CENPK: variants seen among roughly 807,000 people sequenced by gnomAD.
CENPK encodes centromere protein K.
A neutral mutation model predicts 40.9 loss-of-function variants in CENPK; 46 were observed. That is an observed-to-expected ratio of 1.13 (90% CI 0.89 to 1.44). The LOEUF is 1.44. CENPK is among the 40% of genes most tolerant of loss of function. The pLI is 0.00. For missense variants in CENPK, 288 were observed against 303.5 expected (o/e 0.95, Z 0.38); for synonymous variants, 107 against 104.4 (o/e 1.02, Z -0.15).
the CENPK span, among the ~76,000 whole-genome samples, chr5:65,501,694 C>T: frequency 4.0e-3 from 602 of 152,246 alleles, 2 homozygotes; most frequent in African/African-American, 0.014. Flanking sequence ...TGAAAGTCCA[C>T]GTTCTCTGCT....
intron 2 of CENPK, among the ~76,000 whole-genome samples, chr5:65,557,614 G>C (rs560123484): frequency 2.0e-5 from 3 of 152,204 alleles, no homozygotes; most frequent in Non-Finnish European, 4.4e-5. Flanking sequence ...ACATACACAC[G>C]ATCATTTCTG....
the CENPK span, among the ~76,000 whole-genome samples, chr5:65,504,224 G>A: frequency 6.6e-6 from 1 of 151,826 alleles, no homozygotes; most frequent in Non-Finnish European, 1.5e-5. Context: ...GGGAGGCCAA[G>A]GTGGGGTAGA....
At chr5:65,529,406 G>C (rs1745321197) in intron 6 of CENPK, 1 of 444,656 alleles carries the variant, frequency 2.2e-6, no homozygotes, top group Non-Finnish European at 3.9e-6. Context: ...AATACAAGAG[G>C]TTTTGAGCAG....
chr5:65,510,435 A>T, the CENPK span, among the ~76,000 whole-genome samples: 1 of 152,192 alleles, frequency 6.6e-6, no homozygotes, highest in African/African-American at 2.4e-5. Flanking sequence ...ATTGACAGGC[A>T]GGGAGTTTAA....
At chr5:65,502,983 G>C in the CENPK span, among the ~76,000 whole-genome samples, 1 of 151,598 alleles carries the variant, frequency 6.6e-6, no homozygotes, top group Non-Finnish European at 1.5e-5. Context: ...ATTTTTAGTA[G>C]AGACAGGGTT....
chr5:65,529,063 T>C, intron 7 of CENPK, 46 bp from the exon 8 acceptor site: 1 of 1,545,130 alleles, frequency 6.5e-7, no homozygotes, highest in Non-Finnish European at 8.9e-7. Context: ...AATAAAACTT[T>C]AAATGTCACT....
In CENPK at chr5:65,520,249, T is replaced by C. The variant is rs546641614; in HGVS notation, c.651+1226A>G. ...TTGCTCCCACTCTGGCCATGTAAAGTGTCTGCTGCTGCTTCACCTTCTGCT... is the reference window on the plus strand; with the variant it reads ...TTGCTCCCACTCTGGCCATGTAAAGCGTCTGCTGCTGCTTCACCTTCTGCT... On this transcript the variant is annotated intron_variant, in intron 10 of 10. Coordinates refer to ENST00000396679, the MANE Select transcript of CENPK (RefSeq NM_022145.5). Among the ~76,000 whole-genome samples, 3 of 152,104 alleles carry C rather than the reference T, an allele frequency of 2.0e-5. No homozygotes were observed. The South Asian group carries it at 6.2e-4, about 32-fold the overall frequency.
At chr5:65,525,450 T>G (rs546472786) in intron 9 of CENPK, among the ~76,000 whole-genome samples, 2 of 152,182 alleles carry the variant, frequency 1.3e-5, no homozygotes, top group African/African-American at 4.8e-5. Context: ...ATCCATCTAT[T>G]TATGGTTCTA....
intron 8 of CENPK, among the ~76,000 whole-genome samples, 157 bp from the exon 9 acceptor site, chr5:65,528,735 G>A (rs934470564): frequency 1.3e-5 from 2 of 152,126 alleles, no homozygotes; most frequent in Non-Finnish European, 2.9e-5. Flanking sequence ...TATATAACAA[G>A]TAGAGAAACC....
chr5:65,508,788 A>T, the CENPK span, among the ~76,000 whole-genome samples: 1 of 146,446 alleles, frequency 6.8e-6, no homozygotes, highest in Admixed American at 6.8e-5. Flanking sequence ...ACTCCATCTA[A>T]AAAAAAAAAA....
At chr5:65,547,681 T>C (rs187949254) in intron 5 of CENPK, among the ~76,000 whole-genome samples, 119 of 152,252 alleles carry the variant, frequency 7.8e-4, no homozygotes, top group African/African-American at 2.8e-3. Flanking sequence ...CTTTTTTTTT[T>C]TGAAATGGAG....
At chr5:65,545,348 A>G (rs1361211786) in intron 5 of CENPK, among the ~76,000 whole-genome samples, 11 of 143,306 alleles carry the variant, frequency 7.7e-5, no homozygotes, top group African/African-American at 2.8e-4. Context: ...ACACACACAC[A>G]CACACACACA....
chr5:65,552,613 T>A, intron 3 of CENPK, 64 bp from the exon 4 acceptor site: 1 of 955,464 alleles, frequency 1.0e-6, no homozygotes, highest in Non-Finnish European at 1.6e-6. Context: ...TCCCTTCCCC[T>A]CTCCTTTTCT....
chr5:65,521,215 CT>C (rs1743677449), intron 10 of CENPK, among the ~76,000 whole-genome samples: 1 of 151,620 alleles, frequency 6.6e-6, no homozygotes, highest in Non-Finnish European at 1.5e-5. Context: ...AAAATTTTAC[CT>C]GTAATAAATC....
intron 9 of CENPK, among the ~76,000 whole-genome samples, chr5:65,527,045 G>A (rs957401238): frequency 2.0e-5 from 3 of 151,810 alleles, no homozygotes; most frequent in Non-Finnish European, 4.4e-5. Flanking sequence ...TGCAGTGAGC[G>A]GAGATCATGC....
chr5:65,513,090 T>G (rs1403887070), downstream of CENPK, among the ~76,000 whole-genome samples: 1 of 152,240 alleles, frequency 6.6e-6, no homozygotes. Flanking sequence ...ATCAGATATA[T>G]TTTGCAAAGT....
chr5:65,538,467 C>A (rs1189096281), intron 6 of CENPK, among the ~76,000 whole-genome samples: 1 of 152,118 alleles, frequency 6.6e-6, no homozygotes, highest in Non-Finnish European at 1.5e-5. Flanking sequence ...CTGTCTAAGG[C>A]TATGTTCTTT....
chr5:65,518,387 A>T lies in CENPK; in HGVS notation c.*88T>A. On this transcript the variant is annotated 3_prime_UTR_variant, in exon 11 of 11. Transcript: ENST00000396679. ...AGATGGCCTATGCGCATTAATTTGC[A>T]AATAATGTTTTTTATCCAAATAGTC... 7.3e-7 allele frequency: 1 copy of T among 1,364,510 alleles called. No individual in the cohort carries two copies. The highest frequency in any genetic ancestry group is 1.0e-6 in the Non-Finnish European group (1 of 986,030). 84.5% of individuals were successfully genotyped at this position (1,364,510 alleles called of 1,614,324 possible). A position where few individuals can be genotyped will look rare whatever the true frequency, so the allele number is the denominator to read the frequency against.
intron 9 of CENPK, chr5:65,524,519 C>T (rs1744331381): frequency 6.7e-6 from 1 of 148,188 alleles, no homozygotes; most frequent in African/African-American, 2.5e-5. Context: ...CCCCCCCACA[C>T]AAAAAAACAA....
Sources: gnomAD v4.1 joint callset for allele counts (sites outside exome capture counted in the v4.1 genomes callset) on GRCh38, gnomAD v4.1.1 for gene constraint, MANE v1.5 for transcripts, NCBI Gene and HGNC (gene_info 2026-07-23, HGNC 2026-07-21) for gene names.